The following ST6GALNAC3 variants were observed in gnomAD, a reference collection of about 807,000 sequenced individuals.
ST6GALNAC3 encodes the protein ST6 N-acetylgalactosaminide alpha-2,6-sialyltransferase 3.
Under a neutral mutation model 32.7 loss-of-function variants are expected in ST6GALNAC3, and 25 were observed. That is an observed-to-expected ratio of 0.76 (90% CI 0.56 to 1.07). The LOEUF (loss-of-function observed/expected upper bound fraction) is 1.07, where lower values mean the gene tolerates loss of function less well. ST6GALNAC3 is among the 50% of genes least tolerant of loss of function. The pLI, the probability that ST6GALNAC3 is intolerant of heterozygous loss-of-function variation, is 0.00. For synonymous variants in ST6GALNAC3, 129 were observed against 133.1 expected (o/e 0.97, Z 0.21); for missense variants, 355 against 382.4 (o/e 0.93, Z 0.60).
intron 3 of ST6GALNAC3, among the ~76,000 whole-genome samples, chr1:76,518,260 T>A (rs570641980): frequency 6.6e-6 from 1 of 152,186 alleles, no homozygotes; most frequent in South Asian, 2.1e-4. Context: ...AGGACCAGTC[T>A]TGATTTATTA....
chr1:76,146,568 C>A (rs1650695215), intron 1 of ST6GALNAC3, among the ~76,000 whole-genome samples: 1 of 152,152 alleles, frequency 6.6e-6, no homozygotes, highest in Admixed American at 6.6e-5. Flanking sequence ...CAGAGCCTGT[C>A]ATTCAGTTTC....
intron 1 of ST6GALNAC3, among the ~76,000 whole-genome samples, chr1:76,084,000 A>T (rs773862443): frequency 2.6e-5 from 4 of 152,254 alleles, no homozygotes; most frequent in Non-Finnish European, 4.4e-5. Flanking sequence ...ATGAAATGAA[A>T]TTTTAAAAAT....
chr1:76,260,735 G>A (rs557139786), intron 1 of ST6GALNAC3, among the ~76,000 whole-genome samples: 1 of 152,020 alleles, frequency 6.6e-6, no homozygotes, highest in South Asian at 2.1e-4. Flanking sequence ...AACAGGACAG[G>A]CCTAAAAAAT....
intron 3 of ST6GALNAC3, among the ~76,000 whole-genome samples, chr1:76,440,079 A>C (rs771371296): frequency 6.6e-6 from 1 of 152,204 alleles, no homozygotes; most frequent in Non-Finnish European, 1.5e-5. Flanking sequence ...GAATATAATT[A>C]TATTTCGTTT....
At chr1:76,347,754 T>C (rs1648641432) in intron 2 of ST6GALNAC3, among the ~76,000 whole-genome samples, 1 of 152,164 alleles carries the variant, frequency 6.6e-6, no homozygotes, top group African/African-American at 2.4e-5. Context: ...GCTCTTGCTC[T>C]ATCTATCACT....
At chr1:76,195,471 C>A (rs190501260) in intron 1 of ST6GALNAC3, among the ~76,000 whole-genome samples, 1 of 152,268 alleles carries the variant, frequency 6.6e-6, no homozygotes, top group East Asian at 1.9e-4. Context: ...ATTCTTACTT[C>A]TCCTTCAAGG....
At chr1:76,564,575 ATTTTTTTTTTTTTTTT>A (rs200008546) in intron 3 of ST6GALNAC3, among the ~76,000 whole-genome samples, 2 of 126,268 alleles carry the variant, frequency 1.6e-5, no homozygotes, top group Non-Finnish European at 1.6e-5. Flanking sequence ...TGAATGCAGC[ATTTTTTTTTTTTTTTT>A]TTTTTTTTTT....
At chr1:76,421,540 T>C (rs1655027500) in intron 3 of ST6GALNAC3, among the ~76,000 whole-genome samples, 1 of 151,952 alleles carries the variant, frequency 6.6e-6, no homozygotes, top group African/African-American at 2.4e-5. Context: ...GAGGCAAATA[T>C]AAGCACCACC....
intron 1 of ST6GALNAC3, among the ~76,000 whole-genome samples, chr1:76,138,555 C>G (rs1325614878): frequency 6.6e-6 from 1 of 152,198 alleles, no homozygotes; most frequent in East Asian, 1.9e-4. Flanking sequence ...CCATGCTCTT[C>G]CCAGCACCTC....
At chr1:76,140,059 C>G (rs17610851) in intron 1 of ST6GALNAC3, among the ~76,000 whole-genome samples, 14,652 of 152,210 alleles carry the variant, frequency 0.096, 840 homozygotes, top group Non-Finnish European at 0.13. Context: ...TATGGTGCCT[C>G]TCACCGTGAA....
chr1:76,237,109 G>T (rs1348877986), intron 1 of ST6GALNAC3, among the ~76,000 whole-genome samples: 1 of 152,138 alleles, frequency 6.6e-6, no homozygotes, highest in African/African-American at 2.4e-5. Context: ...TTATGATGCG[G>T]GTGTGAAATA....
intron 3 of ST6GALNAC3, among the ~76,000 whole-genome samples, chr1:76,437,682 A>T (rs948575656): frequency 4.0e-5 from 6 of 149,754 alleles, no homozygotes; most frequent in Non-Finnish European, 7.4e-5. Context: ...AGTTCAAGCT[A>T]TTCTCCTGCC....
chr1:76,159,892 A>T (rs890020273), intron 1 of ST6GALNAC3, among the ~76,000 whole-genome samples: 1 of 152,170 alleles, frequency 6.6e-6, no homozygotes, highest in African/African-American at 2.4e-5. Context: ...CATTTCACAG[A>T]TGGGGAAACT....
chr1:76,160,999 C>T (rs1003875966), intron 1 of ST6GALNAC3, among the ~76,000 whole-genome samples: 2 of 151,976 alleles, frequency 1.3e-5, no homozygotes, highest in African/African-American at 4.8e-5. Flanking sequence ...TGTAAAGGAC[C>T]CATCTTTTAA....
Position 76,270,826 on chromosome 1 carries a change from G to A in ST6GALNAC3, c.19-42979G>A, listed in dbSNP as rs1570643261. 2.6e-5 allele frequency among the ~76,000 whole-genome samples: 4 copies of A among 152,320 alleles called. No individual in the cohort carries two copies. The South Asian group carries it at 8.3e-4, about 32-fold the overall frequency. On this transcript the variant is annotated intron_variant, in intron 1 of 4. Transcript: ENST00000328299. ...CATTCAGTCCATACTCAAAAGAGATGTATCCAAAAGCTGTTGTAAGCAGCT... is the reference window on the plus strand; with the variant it reads ...CATTCAGTCCATACTCAAAAGAGATATATCCAAAAGCTGTTGTAAGCAGCT...
intron 3 of ST6GALNAC3, among the ~76,000 whole-genome samples, chr1:76,449,676 C>G (rs1657246879): frequency 6.6e-6 from 1 of 152,172 alleles, no homozygotes; most frequent in South Asian, 2.1e-4. Flanking sequence ...TATAGAACAT[C>G]TTTTCATATG....
chr1:76,418,742 G>T (rs552867855), intron 3 of ST6GALNAC3, among the ~76,000 whole-genome samples: 17 of 152,106 alleles, frequency 1.1e-4, no homozygotes, highest in African/African-American at 3.9e-4. Context: ...GGAACAAAAA[G>T]TTCATGCAGC....
chr1:76,273,762 C>T (rs936893825), intron 1 of ST6GALNAC3, among the ~76,000 whole-genome samples: 2 of 152,160 alleles, frequency 1.3e-5, no homozygotes, highest in Non-Finnish European at 1.5e-5. Context: ...TTCATCAATC[C>T]ATGAATCTCA....
At chr1:76,256,914 G>A (rs1420081860) in intron 1 of ST6GALNAC3, among the ~76,000 whole-genome samples, 2 of 152,052 alleles carry the variant, frequency 1.3e-5, no homozygotes, top group African/African-American at 4.8e-5. Flanking sequence ...CACATTCAGG[G>A]CTACTGATTA....
Sources: allele counts gnomAD v4.1 joint callset (sites outside exome capture counted in the v4.1 genomes callset), GRCh38; gene constraint gnomAD v4.1.1; transcripts MANE v1.5; gene names NCBI Gene and HGNC (gene_info 2026-07-23, HGNC 2026-07-21).